Variants in LRP1B observed in about 807,000 individuals in gnomAD.
LRP1B encodes the protein LDL receptor related protein 1B, also known as low-density lipoprotein receptor-related protein 1B.
A neutral mutation model predicts 556.6 loss-of-function variants in LRP1B; 217 were observed. That is an observed-to-expected ratio of 0.39 (90% CI 0.35 to 0.44). The LOEUF (loss-of-function observed/expected upper bound fraction) is 0.44. Ranked by LOEUF, LRP1B falls within the 20% of genes least tolerant of loss-of-function variation. The pLI, the probability that LRP1B is intolerant of heterozygous loss-of-function variation, is 1.00. For synonymous variants in LRP1B, 2,047 were observed against 1,865.8 expected (o/e 1.10, Z -2.50); for missense variants, 5,053 against 5,620.8 (o/e 0.90, Z 3.23).
chr2:141,944,084 C>G (rs1700890145), intron 1 of LRP1B, among the ~76,000 whole-genome samples: 1 of 152,066 alleles, frequency 6.6e-6, no homozygotes, highest in Admixed American at 6.6e-5. Context: ...TGGAGGTTCT[C>G]CGGGGACCCG....
At chr2:140,541,748 A>G (rs9287535) in intron 44 of LRP1B, 31 bp downstream of exon 44, 810,448 of 1,531,750 alleles carry the variant, frequency 0.53, 216,961 homozygotes, top group South Asian at 0.58. Flanking sequence ...TATACAATGA[A>G]AAAACACATT....
chr2:140,509,079 C>CAA (rs1553476908), intron 52 of LRP1B, among the ~76,000 whole-genome samples: 98 of 54,940 alleles, frequency 1.8e-3, no homozygotes, highest in South Asian at 2.9e-3. Context: ...CACACACACA[C>CAA]ACAAACACAC....
At chr2:140,348,180 G>T (rs1258478831) in intron 77 of LRP1B, among the ~76,000 whole-genome samples, 5 of 152,020 alleles carry the variant, frequency 3.3e-5, no homozygotes, top group Non-Finnish European at 7.4e-5. Flanking sequence ...GAGACCCAGA[G>T]ATGTGATATG....
At chr2:141,765,394 T>G (rs2105603993) in intron 2 of LRP1B, among the ~76,000 whole-genome samples, 1 of 152,356 alleles carries the variant, frequency 6.6e-6, no homozygotes, top group East Asian at 1.9e-4. Flanking sequence ...TAGTTTTTTT[T>G]TCACTTATAG....
intron 1 of LRP1B, among the ~76,000 whole-genome samples, chr2:141,880,590 A>C (rs891015492): frequency 1.3e-5 from 2 of 152,038 alleles, no homozygotes; most frequent in Non-Finnish European, 2.9e-5. Flanking sequence ...GTGCCTATTC[A>C]ATATAGAAAA....
At chr2:141,177,135 T>A (rs1680772733) in intron 7 of LRP1B, among the ~76,000 whole-genome samples, 2 of 152,080 alleles carry the variant, frequency 1.3e-5, no homozygotes, top group South Asian at 4.1e-4. Flanking sequence ...ATCAGGCATC[T>A]TTTTACCTCT....
intron 1 of LRP1B, among the ~76,000 whole-genome samples, chr2:141,874,900 C>G (rs928657104): frequency 6.6e-6 from 1 of 151,828 alleles, no homozygotes. Context: ...TTTAACTGTG[C>G]ACCTTTGCTC....
In LRP1B at chr2:141,315,152, G is replaced by C. The variant is rs992322577; in HGVS notation, c.344-60511C>G. On this transcript the variant is annotated intron_variant, in intron 3 of 90. Coordinates refer to ENST00000389484, the MANE Select transcript of LRP1B (RefSeq NM_018557.3). ...CTTAACTGTGACATTTACTTGATCAGAGATAGAAACTTTTTGAATGTTGAA... is the reference window on the plus strand; with the variant it reads ...CTTAACTGTGACATTTACTTGATCACAGATAGAAACTTTTTGAATGTTGAA... Among the ~76,000 whole-genome samples, 8 of 149,198 alleles carry C rather than the reference G, an allele frequency of 5.4e-5. No homozygotes were observed. The East Asian group carries it at 1.6e-3, about 29-fold the overall frequency.
At chr2:140,721,270 T>G (rs1687390164) in intron 35 of LRP1B, among the ~76,000 whole-genome samples, 2 of 152,136 alleles carry the variant, frequency 1.3e-5, no homozygotes, top group African/African-American at 4.8e-5. Flanking sequence ...TTTGTCTGAT[T>G]CTAAAAATGA....
At chr2:140,564,587 G>A (rs556851658) in intron 43 of LRP1B, among the ~76,000 whole-genome samples, 8 of 151,904 alleles carry the variant, frequency 5.3e-5, no homozygotes, top group Non-Finnish European at 1.0e-4. Context: ...AAAGCTATTT[G>A]GCATTCAATA....
At chr2:141,415,024 T>TTTTG (rs1491369886) in intron 3 of LRP1B, among the ~76,000 whole-genome samples, 3 of 144,392 alleles carry the variant, frequency 2.1e-5, no homozygotes, top group African/African-American at 7.3e-5. Context: ...TTTTGTTTTG[T>TTTTG]TTTGTTTTGA....
chr2:140,251,641 A>G (rs1681422694), intron 86 of LRP1B, among the ~76,000 whole-genome samples: 1 of 151,914 alleles, frequency 6.6e-6, no homozygotes, highest in South Asian at 2.1e-4. Context: ...ATGATGATGG[A>G]GGCATTCAGA....
At chr2:140,986,252 C>T (rs1558783241) in intron 17 of LRP1B, among the ~76,000 whole-genome samples, 1 of 151,866 alleles carries the variant, frequency 6.6e-6, no homozygotes, top group Admixed American at 6.6e-5. Context: ...TATATCTATC[C>T]ATTCTTCTGT....
Position 140,441,736 on chromosome 2 carries a change from T to C in LRP1B, c.10414+768A>G, listed in dbSNP as rs979521290. Among the ~76,000 whole-genome samples, 7 of 152,172 alleles carry C rather than the reference T, an allele frequency of 4.6e-5. No homozygotes were observed. The East Asian group carries it at 1.2e-3, about 25-fold the overall frequency. On this transcript the variant is annotated intron_variant, in intron 66 of 90. Coordinates refer to ENST00000389484, the MANE Select transcript of LRP1B (RefSeq NM_018557.3). ...TTTGGACAAACTTTGTCTTTTCTAA[T>C]CAATTACTAGATGAAATGCTTTTTG... is the stretch of plus-strand genomic sequence containing the variant.
At chr2:141,132,071 T>C (rs74268846) in intron 7 of LRP1B, among the ~76,000 whole-genome samples, 1,950 of 152,106 alleles carry the variant, frequency 0.013, 22 homozygotes, top group Non-Finnish European at 0.02. Context: ...CCACTTATGA[T>C]TGAGAACATA....
intron 45 of LRP1B, among the ~76,000 whole-genome samples, chr2:140,537,817 C>G (rs1184394011): frequency 1.3e-5 from 2 of 152,042 alleles, no homozygotes; most frequent in African/African-American, 4.8e-5. Flanking sequence ...GAGTTTCATC[C>G]TTATAATGGC....
At chr2:140,272,356 C>T (rs544180452) in intron 85 of LRP1B, among the ~76,000 whole-genome samples, 1 of 151,550 alleles carries the variant, frequency 6.6e-6, no homozygotes, top group African/African-American at 2.4e-5. Context: ...ACAAATAGTT[C>T]CCATGACAAT....
Position 140,564,751 on chromosome 2 carries a change from G to A in LRP1B, c.7195-22780C>T, listed in dbSNP as rs74803897. Among the ~76,000 whole-genome samples the A allele has an allele frequency of 6.0e-3, 914 of 152,138 alleles. 8 individuals are homozygous for A. Among genetic ancestry groups the A allele is most frequent in the East Asian group, 0.033 (170 of 5,176 alleles). On this transcript the variant is annotated intron_variant, in intron 43 of 90. Coordinates refer to ENST00000389484, the MANE Select transcript of LRP1B (RefSeq NM_018557.3). ...ACAGAATTACAGGACTTCTTGTGAT[G>A]TATACAGTTTAATTAAAAATCAGAA...
chr2:140,324,027 T>C lies in LRP1B; in HGVS notation c.12380A>G (p.Tyr4127Cys). The change falls in exon 81 of 91, where the codon TAT (tyrosine) becomes TGT (cysteine). Residue 4127 changes from tyrosine (Y) to cysteine (C), a missense_variant. By Grantham distance (194) the Tyr-to-Cys change is radical. Coordinates refer to ENST00000389484, the MANE Select transcript of LRP1B (RefSeq NM_018557.3). ...ATTTTTAGGTCCTGCTCCATATATATAATCTTCAAAGATATCGATCCTATG... is the reference window on the plus strand; with the variant it reads ...ATTTTTAGGTCCTGCTCCATATATACAATCTTCAAAGATATCGATCCTATG... ...HPHRIDIFED[Y>C]IYGAGPKNGV... The C allele has an allele frequency of 6.2e-7, 1 of 1,610,692 alleles. No individual in the cohort carries two copies. Among genetic ancestry groups the C allele is most frequent in the Non-Finnish European group, 8.5e-7 (1 of 1,177,558 alleles).
Sources: allele counts gnomAD v4.1 joint callset (sites outside exome capture counted in the v4.1 genomes callset), GRCh38; gene constraint gnomAD v4.1.1; transcripts MANE v1.5; gene names NCBI Gene and HGNC (gene_info 2026-07-23, HGNC 2026-07-21).